The following CLVS1 variants were observed in gnomAD, a reference collection of about 807,000 sequenced individuals.
The protein encoded by CLVS1 is clavesin-1.
CLVS1 carries 10 observed loss-of-function variants against 33.1 expected under a neutral mutation model. The ratio of observed to expected loss-of-function variants is 0.30; its 90% CI spans 0.19 to 0.51. The LOEUF is 0.51. Ranked by LOEUF, CLVS1 falls within the 20% of genes least tolerant of loss-of-function variation. The probability of loss-of-function intolerance (pLI) is 0.97; values close to 1 mark genes in which losing one functional copy is unlikely to be tolerated. For missense variants in CLVS1, 343 were observed against 433.4 expected (o/e 0.79, Z 1.85); for synonymous variants, 163 against 166.1 (o/e 0.98, Z 0.14).
At chr8:61,109,031 T>C (rs895096662) in intron 1 of CLVS1, among the ~76,000 whole-genome samples, 6 of 152,138 alleles carry the variant, frequency 3.9e-5, no homozygotes, top group African/African-American at 1.4e-4. Flanking sequence ...ACATATATAA[T>C]TTTCTACTTG....
chr8:61,202,004 C>T (rs1019292345), intron 2 of CLVS1, among the ~76,000 whole-genome samples: 1 of 152,062 alleles, frequency 6.6e-6, no homozygotes, highest in Admixed American at 6.5e-5. Context: ...GTATTTGACC[C>T]GATTGGCTAG....
intron 2 of CLVS1, among the ~76,000 whole-genome samples, chr8:61,346,021 C>T (rs1812208922): frequency 6.6e-6 from 1 of 152,114 alleles, no homozygotes; most frequent in African/African-American, 2.4e-5. Context: ...TATCTCTCTT[C>T]TGAGTTACTT....
chr8:61,486,207 A>C (rs921945749), intron 5 of CLVS1, among the ~76,000 whole-genome samples: 1 of 152,198 alleles, frequency 6.6e-6, no homozygotes, highest in African/African-American at 2.4e-5. Context: ...CAGCTTTGAA[A>C]GAGGTACTCA....
chr8:61,152,486 A>G (rs1806559890), intron 2 of CLVS1, among the ~76,000 whole-genome samples: 1 of 152,192 alleles, frequency 6.6e-6, no homozygotes, highest in African/African-American at 2.4e-5. Context: ...GTTCGTTTGT[A>G]TGGAGAAAGC....
intron 2 of CLVS1, among the ~76,000 whole-genome samples, chr8:61,302,026 C>G (rs866720182): frequency 9.5e-4 from 144 of 152,202 alleles, no homozygotes; most frequent in African/African-American, 3.3e-3. Context: ...ATATCAACCC[C>G]CATAACCATT....
intron 5 of CLVS1, among the ~76,000 whole-genome samples, chr8:61,489,818 G>T (rs1287216879): frequency 6.6e-6 from 1 of 152,190 alleles, no homozygotes; most frequent in African/African-American, 2.4e-5. Context: ...GAATTGTGGT[G>T]CACATCTGGA....
At chr8:61,263,250 A>G (rs965584545) in intron 2 of CLVS1, among the ~76,000 whole-genome samples, 2 of 152,174 alleles carry the variant, frequency 1.3e-5, no homozygotes, top group Non-Finnish European at 1.5e-5. Context: ...TGGGTTTTAT[A>G]TGTTGCTATT....
chr8:61,295,090 T>C (rs1033787853), intron 1 of CLVS1, among the ~76,000 whole-genome samples: 3 of 152,178 alleles, frequency 2.0e-5, no homozygotes, highest in Non-Finnish European at 2.9e-5. Flanking sequence ...AAGGTGTGGA[T>C]TGGAGTGAAA....
intron 2 of CLVS1, among the ~76,000 whole-genome samples, chr8:61,322,162 T>C (rs1811215153): frequency 6.6e-6 from 1 of 152,182 alleles, no homozygotes; most frequent in Non-Finnish European, 1.5e-5. Flanking sequence ...ATTAAATATG[T>C]ATTGGATGAA....
chr8:61,039,993 C>T, the CLVS1 span, among the ~76,000 whole-genome samples: 2 of 152,332 alleles, frequency 1.3e-5, no homozygotes, highest in South Asian at 2.1e-4. Context: ...TTGACCCTCT[C>T]CGCCTCACTC....
chr8:61,212,292 C>T (rs180778040), intron 2 of CLVS1, among the ~76,000 whole-genome samples: 8 of 152,252 alleles, frequency 5.3e-5, no homozygotes, highest in Admixed American at 1.3e-4. Flanking sequence ...AGGAAGAGTG[C>T]GGATCAAACG....
At chr8:61,279,653 T>C (rs1809630352) in intron 2 of CLVS1, among the ~76,000 whole-genome samples, 1 of 152,324 alleles carries the variant, frequency 6.6e-6, no homozygotes, top group Admixed American at 6.5e-5. Flanking sequence ...GCCAGAAGGA[T>C]GTAAACTTGA....
intron 1 of CLVS1, among the ~76,000 whole-genome samples, chr8:61,069,723 C>G (rs1431033500): frequency 6.6e-6 from 1 of 152,212 alleles, no homozygotes; most frequent in African/African-American, 2.4e-5. Context: ...CAGTGTTGCT[C>G]TTGCAAGTCC....
At chr8:61,447,285 T>C (rs1335971073) in intron 3 of CLVS1, among the ~76,000 whole-genome samples, 1 of 152,096 alleles carries the variant, frequency 6.6e-6, no homozygotes, top group Non-Finnish European at 1.5e-5. Flanking sequence ...TTGGAGTGAG[T>C]TTCTTATGGA....
the CLVS1 span, among the ~76,000 whole-genome samples, chr8:61,035,187 C>CTTTTTTTTTTTTTTTT: frequency 4.4e-4 from 57 of 129,380 alleles, no homozygotes; most frequent in East Asian, 1.3e-3. Context: ...TTTCTTTTTT[C>CTTTTTTTTTTTTTTTT]TTTTTTTTTT....
chr8:61,067,383 A>T (rs779139145), intron 1 of CLVS1, among the ~76,000 whole-genome samples: 1 of 149,802 alleles, frequency 6.7e-6, no homozygotes, highest in Non-Finnish European at 1.5e-5. Flanking sequence ...GTGTGTACAT[A>T]TATAATTGTA....
In CLVS1 at chr8:61,433,768, G is replaced by A. The variant is rs572345722; in HGVS notation, c.631-20373G>A. ...ACCTCTACCAAAAATACAAAAATTA[G>A]CCAGGTGTGGTGGCTGGCACCTGTA... On this transcript the variant is annotated intron_variant, in intron 3 of 5. Coordinates refer to ENST00000325897, the MANE Select transcript of CLVS1 (RefSeq NM_173519.3). Among the ~76,000 whole-genome samples the A allele has an allele frequency of 1.7e-3, 261 of 152,080 alleles. 4 individuals are homozygous for A. The highest frequency in any genetic ancestry group is 2.0e-3 in the Non-Finnish European group (136 of 67,968).
At position 61,209,686 on chromosome 8, in the gene CLVS1, T is replaced by C. The variant is rs73684425; in HGVS notation, c.-152+77826T>C. On this transcript the variant is annotated intron_variant, in intron 2 of 2. Coordinates refer to the CLVS1 transcript ENST00000522621. ...TCTGAAGAGAGGAGGAAAGAGAAGA[T>C]TTAAGGAAAAGGTGATTGGCTTACT... Among the ~76,000 whole-genome samples, 446 of 151,010 alleles carry C rather than the reference T, an allele frequency of 3.0e-3. 1 individual carries two copies. Among genetic ancestry groups the C allele is most frequent in the African/African-American group, 0.01 (422 of 40,968 alleles).
chr8:61,023,067 A>G, the CLVS1 span, among the ~76,000 whole-genome samples: 40 of 152,358 alleles, frequency 2.6e-4, no homozygotes, highest in East Asian at 7.1e-3. Flanking sequence ...AGCTACTAAA[A>G]ATGTACTTTC....
Sources: allele counts gnomAD v4.1 joint callset (sites outside exome capture counted in the v4.1 genomes callset), GRCh38; gene constraint gnomAD v4.1.1; transcripts MANE v1.5; gene names NCBI Gene and HGNC (gene_info 2026-07-23, HGNC 2026-07-21).